Variants in SRSF11 observed in about 807,000 individuals in gnomAD.
SRSF11 encodes the protein serine/arginine-rich splicing factor 11.
Under a neutral mutation model 56.0 loss-of-function variants are expected in SRSF11, and 9 were observed. The observed-to-expected ratio is 0.16, with a 90% CI of 0.10 to 0.28. The LOEUF is 0.28. Ranked by LOEUF, SRSF11 falls within the 10% of genes least tolerant of loss-of-function variation. The pLI is 1.00. For missense variants in SRSF11, 421 were observed against 600.7 expected (o/e 0.70, Z 3.13); for synonymous variants, 222 against 215.3 (o/e 1.03, Z -0.27).
chr1:70,239,831 T>C (rs1044056189), intron 7 of SRSF11, among the ~76,000 whole-genome samples: 1 of 152,196 alleles, frequency 6.6e-6, no homozygotes, highest in African/African-American at 2.4e-5. Context: ...ATTTGTTATC[T>C]AGTGTCAAAA....
rs1348164021 is a variant in SRSF11 at position 70,251,083 on chromosome 1, C to A, written c.*278C>A. On this transcript the variant is annotated 3_prime_UTR_variant, in exon 12 of 12. Transcript: ENST00000370949. ...CATAACAAAAATGAAAAGCTGCATG[C>A]ATCTACAGCAGGCATGGATTGTTTA... The A allele has an allele frequency of 2.9e-6, 1 of 350,572 alleles. No individual in the cohort carries two copies. The highest frequency in any genetic ancestry group is 5.2e-6 in the Non-Finnish European group (1 of 190,800). The allele number at this position is 350,572 out of a possible 1,614,324, so 21.7% of individuals were successfully genotyped here. A position where few individuals can be genotyped will look rare whatever the true frequency, so the allele number is the denominator to read the frequency against.
Position 70,235,675 on chromosome 1 carries a change from G to T in SRSF11, c.590+125G>T, listed in dbSNP as rs533092362. ...TTTCTCAAGACAAGCAATATGTATT[G>T]TTACCTAGAAACAAGGAGAGAAATA... On this transcript the variant is annotated intron_variant, in intron 5 of 11. Coordinates refer to ENST00000370949, the MANE Select transcript of SRSF11 (RefSeq NM_001350605.2). 1.5e-5 allele frequency: 13 copies of T among 880,500 alleles called. No individual in the cohort carries two copies. The African/African-American group carries it at 2.0e-4, about 14-fold the overall frequency. The allele number at this position is 880,500 out of a possible 1,614,324, so 54.5% of individuals were successfully genotyped here.
rs1275782098 is a variant in SRSF11, at chr1:70,252,855, A to G, written c.*2050A>G. 1 of 152,192 alleles carries G rather than the reference A, an allele frequency of 6.6e-6. No homozygotes were observed. Among genetic ancestry groups the G allele is most frequent in the African/African-American group, 2.4e-5 (1 of 41,446 alleles). 9.4% of individuals were successfully genotyped at this position (152,192 alleles called of 1,614,324 possible). ...TTTTTTTAAAAGTAGTGCCACTGAC[A>G]AGATGCTACAGTGAAGATTATCCAT... On this transcript the variant is annotated 3_prime_UTR_variant, in exon 12 of 12. Transcript: ENST00000370949.
chr1:70,222,021 C>T (rs1670753692), intron 1 of SRSF11, among the ~76,000 whole-genome samples, 182 bp downstream of exon 1: 1 of 152,046 alleles, frequency 6.6e-6, no homozygotes, highest in Non-Finnish European at 1.5e-5. Context: ...AGAGGCAGGG[C>T]CAGGGCTTTT....
chr1:70,228,442 C>T lies in SRSF11; in HGVS notation c.224C>T (p.Ser75Leu), dbSNP rs1405985012. 1.2e-6 allele frequency: 2 copies of T among 1,611,678 alleles called. No homozygotes were observed. Among genetic ancestry groups the T allele is most frequent in the African/African-American group, 1.3e-5 (1 of 74,794 alleles). The change falls in exon 2 of 12, where the codon TCA (serine) becomes TTA (leucine). Residue 75 changes from serine (S) to leucine (L), a missense_variant. Transcript: ENST00000370949. ...FPPDDSPLPVSSRVCFVKFHD... is the reference protein window; with the variant it reads ...FPPDDSPLPVLSRVCFVKFHD... Reference sequence around the variant, plus strand: ...TTTAGTGATTCGCCTTTGCCAGTCTCATCTCGTGTCTGCTTTGTTAAGTTC... The same window carrying T: ...TTTAGTGATTCGCCTTTGCCAGTCTTATCTCGTGTCTGCTTTGTTAAGTTC...
intron 1 of SRSF11, among the ~76,000 whole-genome samples, chr1:70,227,153 T>C (rs968178525): frequency 6.6e-6 from 1 of 152,206 alleles, no homozygotes; most frequent in Non-Finnish European, 1.5e-5. Context: ...ATGGGGTTTT[T>C]TGTTAGGCCT....
At chr1:70,239,242 C>T (rs1674780743) in intron 6 of SRSF11, among the ~76,000 whole-genome samples, 197 bp from the exon 7 acceptor site, 1 of 152,100 alleles carries the variant, frequency 6.6e-6, no homozygotes, top group Non-Finnish European at 1.5e-5. Flanking sequence ...CAGGCACACA[C>T]CGCCATGCCC....
Position 70,221,848 on chromosome 1 carries a change from C to G in SRSF11, c.203+9C>G. The G allele has an allele frequency of 6.2e-7, 1 of 1,613,650 alleles. No individual in the cohort carries two copies. Among genetic ancestry groups the G allele is most frequent in the Non-Finnish European group, 8.5e-7 (1 of 1,179,926 alleles). ...CGCCTCTTCCCGCCGGAGTGAGTATCGTCCACCATCACTGTTCCTGCTAAC... is the reference window on the plus strand; with the variant it reads ...CGCCTCTTCCCGCCGGAGTGAGTATGGTCCACCATCACTGTTCCTGCTAAC... On this transcript the variant is annotated intron_variant, in intron 1 of 11. Coordinates refer to ENST00000370949, the MANE Select transcript of SRSF11 (RefSeq NM_001350605.2).
chr1:70,233,758 G>GT, intron 3 of SRSF11, among the ~76,000 whole-genome samples: 1 of 152,180 alleles, frequency 6.6e-6, no homozygotes, highest in Non-Finnish European at 1.5e-5. Context: ...GCTACAGATG[G>GT]TTTTAAAGTA....
chr1:70,217,591 G>A (rs1047653494), upstream of SRSF11, among the ~76,000 whole-genome samples: 3 of 152,092 alleles, frequency 2.0e-5, no homozygotes, highest in African/African-American at 7.2e-5. Context: ...CATAATATTT[G>A]AAGAAATTTG....
intron 3 of SRSF11, 87 bp downstream of exon 3, chr1:70,232,464 A>G (rs534710538): frequency 7.1e-6 from 7 of 984,286 alleles, no homozygotes; most frequent in Middle Eastern, 2.2e-4. Context: ...GTAAGTACTC[A>G]TAAGATTCTA....
chr1:70,234,919 C>A (rs542143492), intron 4 of SRSF11, 131 bp downstream of exon 4: 14 of 664,378 alleles, frequency 2.1e-5, no homozygotes, highest in African/African-American at 1.6e-4. Context: ...TTAAACTTGT[C>A]AGAGCTTTAA....
intron 1 of SRSF11, among the ~76,000 whole-genome samples, chr1:70,208,344 G>T (rs1669242827): frequency 6.6e-6 from 1 of 152,082 alleles, no homozygotes. Context: ...GTGTGTGTGT[G>T]TGTGAGTGAG....
chr1:70,249,232 A>T (rs1201486413), intron 9 of SRSF11: 2 of 152,160 alleles, frequency 1.3e-5, no homozygotes, highest in East Asian at 1.9e-4. Flanking sequence ...TAATGATTTA[A>T]AGGTGAATGT....
chr1:70,234,564 G>A (rs1221243226), intron 3 of SRSF11, 132 bp from the exon 4 acceptor site: 2 of 601,718 alleles, frequency 3.3e-6, no homozygotes, highest in Admixed American at 6.3e-5. Flanking sequence ...GTGTACAACT[G>A]AGGAGTTGTA....
chr1:70,253,004 A>G lies in SRSF11; in HGVS notation c.*2199A>G, dbSNP rs1351660245. The G allele has an allele frequency of 6.6e-6, 1 of 152,222 alleles. No individual in the cohort carries two copies. The highest frequency in any genetic ancestry group is 1.5e-5 in the Non-Finnish European group (1 of 68,020). 9.4% of individuals were successfully genotyped at this position (152,222 alleles called of 1,614,324 possible). A position where few individuals can be genotyped will look rare whatever the true frequency, so the allele number is the denominator to read the frequency against. ...GCCTCCACACCGAGTTCTGTTGTGT[A>G]TTTGATAGTAAATTGATTTAAAAAT... On this transcript the variant is annotated 3_prime_UTR_variant, in exon 12 of 12. Coordinates refer to ENST00000370949, the MANE Select transcript of SRSF11 (RefSeq NM_001350605.2).
intron 3 of SRSF11, 48 bp downstream of exon 3, chr1:70,232,425 G>T: frequency 6.9e-7 from 1 of 1,440,584 alleles, no homozygotes; most frequent in South Asian, 1.2e-5. Flanking sequence ...AAACAGAATT[G>T]TGCATAAAGC....
chr1:70,220,160 A>G (rs1297841326), upstream of SRSF11, among the ~76,000 whole-genome samples: 1 of 152,250 alleles, frequency 6.6e-6, no homozygotes, highest in African/African-American at 2.4e-5. Flanking sequence ...CATGTCAATA[A>G]TAAATACATG....
At chr1:70,207,531 T>C (rs1012277465) in intron 1 of SRSF11, among the ~76,000 whole-genome samples, 4 of 152,016 alleles carry the variant, frequency 2.6e-5, no homozygotes, top group Admixed American at 1.3e-4. Flanking sequence ...CTTTTTTTTT[T>C]AATCCTGTAA....
Sources: gnomAD v4.1 joint callset for allele counts (sites outside exome capture counted in the v4.1 genomes callset) on GRCh38, gnomAD v4.1.1 for gene constraint, MANE v1.5 for transcripts, NCBI Gene and HGNC (gene_info 2026-07-23, HGNC 2026-07-21) for gene names.